COL4A2: variants seen among roughly 807,000 people sequenced by gnomAD.
COL4A2 encodes collagen alpha-2(IV) chain.
COL4A2 carries 99 observed loss-of-function variants against 200.2 expected under a neutral mutation model. The ratio of observed to expected loss-of-function variants is 0.49; its 90% CI spans 0.42 to 0.58. The LOEUF is 0.58. COL4A2 is among the 20% of genes least tolerant of loss of function. The probability of loss-of-function intolerance (pLI) is 0.00; values close to 1 mark genes in which losing one functional copy is unlikely to be tolerated. For synonymous variants in COL4A2, 897 were observed against 900.6 expected (o/e 1.00, Z 0.07); for missense variants, 1,950 against 2,314.1 (o/e 0.84, Z 3.23).
chr13:110,476,639 C>T (rs1039593249), intron 29 of COL4A2, among the ~76,000 whole-genome samples: 1 of 152,228 alleles, frequency 6.6e-6, no homozygotes, highest in Non-Finnish European at 1.5e-5. Flanking sequence ...TGTGAGGCTA[C>T]GTGAGTGTGT....
chr13:110,325,543 G>T (rs1449981147), intron 3 of COL4A2, among the ~76,000 whole-genome samples: 3 of 151,944 alleles, frequency 2.0e-5, no homozygotes, highest in Non-Finnish European at 4.4e-5. Context: ...CGTATTGGAA[G>T]ATCAGTGGCT....
At chr13:110,357,065 A>G (rs965876928) in intron 3 of COL4A2, among the ~76,000 whole-genome samples, 7 of 152,108 alleles carry the variant, frequency 4.6e-5, no homozygotes, top group Admixed American at 1.3e-4. Flanking sequence ...CGCCCAGCCT[A>G]GTGAGAACTA....
intron 4 of COL4A2, among the ~76,000 whole-genome samples, chr13:110,386,333 A>G (rs915790718): frequency 9.2e-5 from 14 of 152,238 alleles, no homozygotes; most frequent in African/African-American, 2.9e-4. Flanking sequence ...GTTACAGAAC[A>G]AAACAACTGC....
Position 110,329,936 on chromosome 13 carries a change from C to T in COL4A2, c.99+21813C>T, listed in dbSNP as rs117732883. Among the ~76,000 whole-genome samples, 259 of 152,226 alleles carry T rather than the reference C, an allele frequency of 1.7e-3. 1 individual carries two copies. In the South Asian group the frequency reaches 0.018, roughly 10 times the overall value. On this transcript the variant is annotated intron_variant, in intron 3 of 47. Transcript: ENST00000360467. Reference sequence around the variant, plus strand: ...GTGCGTGCAGTGAAATACGATATGACGAGGCCAACTTTTCATCTGTTTAAA... The same window carrying T: ...GTGCGTGCAGTGAAATACGATATGATGAGGCCAACTTTTCATCTGTTTAAA...
chr13:110,317,779 GC>G (rs1459184547), intron 3 of COL4A2, among the ~76,000 whole-genome samples: 2 of 152,204 alleles, frequency 1.3e-5, no homozygotes, highest in Non-Finnish European at 2.9e-5. Context: ...AAAAGGAGGG[GC>G]AAACACGGCT....
intron 19 of COL4A2, 104 bp from the exon 20 acceptor site, chr13:110,450,201 C>A: frequency 1.1e-6 from 1 of 945,062 alleles, no homozygotes; most frequent in Non-Finnish European, 1.6e-6. Flanking sequence ...TTGACGGGGC[C>A]ATGAAGCCCG....
chr13:110,386,927 T>C (rs1878772731), intron 4 of COL4A2, among the ~76,000 whole-genome samples: 1 of 152,132 alleles, frequency 6.6e-6, no homozygotes, highest in African/African-American at 2.4e-5. Flanking sequence ...GGAAACATTA[T>C]CCAGAAAACT....
intron 4 of COL4A2, among the ~76,000 whole-genome samples, chr13:110,423,847 C>T (rs1184214295): frequency 6.6e-6 from 1 of 152,228 alleles, no homozygotes. Context: ...GCTCATTTCA[C>T]TCAGCACAGA....
At chr13:110,357,958 C>A (rs1877358721) in intron 4 of COL4A2, among the ~76,000 whole-genome samples, 1 of 152,198 alleles carries the variant, frequency 6.6e-6, no homozygotes, top group Non-Finnish European at 1.5e-5. Context: ...CGTGACCGCG[C>A]ACCACTGTAG....
chr13:110,382,953 T>C (rs1439888782), intron 4 of COL4A2, among the ~76,000 whole-genome samples: 1 of 152,084 alleles, frequency 6.6e-6, no homozygotes, highest in South Asian at 2.1e-4. Context: ...AGAATGGAGT[T>C]TGGCCATTTC....
At chr13:110,438,699 C>T (rs371723510) in intron 15 of COL4A2, 31 bp downstream of exon 15, 11 of 1,613,742 alleles carry the variant, frequency 6.8e-6, no homozygotes, top group Non-Finnish European at 6.8e-6. Flanking sequence ...CTGCAGTTGT[C>T]GGTTTGGTTT....
Position 110,332,095 on chromosome 13 carries a change from T to G in COL4A2, c.99+23972T>G, listed in dbSNP as rs368691644. Among the ~76,000 whole-genome samples, 35 of 152,368 alleles carry G rather than the reference T, an allele frequency of 2.3e-4. No individual in the cohort carries two copies. The South Asian group carries it at 3.5e-3, about 15-fold the overall frequency. On this transcript the variant is annotated intron_variant, in intron 3 of 47. Transcript: ENST00000360467. ...TGTGTTTTCTGTATGTAAAATCATG[T>G]GATCTGCAAATAATGATGGTTTTAC... is the stretch of plus-strand genomic sequence containing the variant.
intron 37 of COL4A2, 78 bp downstream of exon 37, chr13:110,491,418 C>A: frequency 1.1e-6 from 1 of 925,682 alleles, no homozygotes; most frequent in Non-Finnish European, 1.7e-6. Flanking sequence ...TCAACATTGT[C>A]AATTTCCTCC....
At chr13:110,494,403 G>A (rs989962248) in intron 39 of COL4A2, among the ~76,000 whole-genome samples, 1 of 152,044 alleles carries the variant, frequency 6.6e-6, no homozygotes, top group Non-Finnish European at 1.5e-5. Context: ...TAATGTCCTT[G>A]TCTTTTCATT....
At chr13:110,392,972 A>T (rs546459880) in intron 4 of COL4A2, among the ~76,000 whole-genome samples, 155 of 152,356 alleles carry the variant, frequency 1.0e-3, no homozygotes, top group African/African-American at 3.5e-3. Context: ...AAAAACTTAC[A>T]TGGAGGATTC....
Position 110,442,087 on chromosome 13 carries a change from CAAAA to C in COL4A2, c.957+2279_957+2282del, listed in dbSNP as rs10530153. Among the ~76,000 whole-genome samples, 301 of 47,598 alleles carry C rather than the reference CAAAA, an allele frequency of 6.3e-3. 1 individual carries two copies. Among genetic ancestry groups the C allele is most frequent in the African/African-American group, 0.026 (236 of 8,938 alleles). 31.2% of individuals were successfully genotyped at this position (47,598 alleles called of 152,430 possible). A position where few individuals can be genotyped will look rare whatever the true frequency, so the allele number is the denominator to read the frequency against. On this transcript the variant is annotated intron_variant, in intron 16 of 47. Transcript: ENST00000360467. The stretch of plus-strand genomic sequence containing the variant: ...GGAGAGACAGTGAGACTCTCTGTCT[CAAAA>C]AAAAAAAAAAAAAAAAAAAAAAAAG...
intron 20 of COL4A2, among the ~76,000 whole-genome samples, chr13:110,453,514 G>C (rs546766391): frequency 5.7e-4 from 87 of 151,826 alleles, no homozygotes; most frequent in African/African-American, 1.9e-3. Flanking sequence ...TTTAAAAAAA[G>C]GAAAAAAAAA....
chr13:110,453,102 G>A (rs1036129260), intron 20 of COL4A2, among the ~76,000 whole-genome samples: 2 of 152,144 alleles, frequency 1.3e-5, no homozygotes, highest in Non-Finnish European at 2.9e-5. Flanking sequence ...GCTGTGATAA[G>A]AGCTAGGTTT....
intron 34 of COL4A2, among the ~76,000 whole-genome samples, chr13:110,488,721 G>A (rs187687093): frequency 5.1e-4 from 77 of 152,288 alleles, no homozygotes; most frequent in Non-Finnish European, 8.2e-4. Flanking sequence ...GGGAAGTAAC[G>A]GTGCCTGCCT....
Sources: gnomAD v4.1 joint callset for allele counts (sites outside exome capture counted in the v4.1 genomes callset) on GRCh38, gnomAD v4.1.1 for gene constraint, MANE v1.5 for transcripts, NCBI Gene and HGNC (gene_info 2026-07-23, HGNC 2026-07-21) for gene names.